The following MTUS2 variants were observed in gnomAD, a reference collection of about 807,000 sequenced individuals.
The protein encoded by MTUS2 is microtubule associated scaffold protein 2.
In MTUS2, 40 loss-of-function variants were observed where a neutral mutation model predicts 114.1. That is an observed-to-expected ratio of 0.35 (90% CI 0.27 to 0.46). The LOEUF (loss-of-function observed/expected upper bound fraction) is 0.46, where lower values mean the gene tolerates loss of function less well. MTUS2 is among the 20% of genes least tolerant of loss of function. The probability of loss-of-function intolerance (pLI) is 1.00; values close to 1 mark genes in which losing one functional copy is unlikely to be tolerated. For missense variants in MTUS2, 1,679 were observed against 1,705.4 expected (o/e 0.98, Z 0.27); for synonymous variants, 688 against 672.0 (o/e 1.02, Z -0.37).
chr13:29,341,993 T>G (rs1901424172), intron 7 of MTUS2, among the ~76,000 whole-genome samples: 2 of 152,308 alleles, frequency 1.3e-5, no homozygotes, highest in Non-Finnish European at 2.9e-5. Context: ...TTCTATATTC[T>G]GTTCCATTGG....
intron 5 of MTUS2, among the ~76,000 whole-genome samples, chr13:29,106,934 T>C (rs954436730): frequency 8.6e-5 from 13 of 152,036 alleles, no homozygotes; most frequent in Admixed American, 4.6e-4. Flanking sequence ...TGACATATAC[T>C]CCCAACTAGC....
intron 2 of MTUS2, among the ~76,000 whole-genome samples, chr13:28,950,680 A>G (rs1882763416): frequency 6.6e-6 from 1 of 152,218 alleles, no homozygotes. Context: ...ATATTTATCA[A>G]TTAAGTTTGC....
chr13:29,234,419 C>G (rs1286035893), intron 5 of MTUS2, among the ~76,000 whole-genome samples: 1 of 152,186 alleles, frequency 6.6e-6, no homozygotes, highest in African/African-American at 2.4e-5. Flanking sequence ...ACCTATCCAA[C>G]AGGTCATTCT....
chr13:29,281,518 G>T (rs1363692564), intron 5 of MTUS2, among the ~76,000 whole-genome samples, 186 bp from the exon 6 acceptor site: 1 of 151,732 alleles, frequency 6.6e-6, no homozygotes, highest in Admixed American at 6.6e-5. Flanking sequence ...AGATATTTAT[G>T]CAGTGACTAA....
chr13:28,894,069 T>G (rs1266186919), intron 2 of MTUS2, among the ~76,000 whole-genome samples: 2 of 151,706 alleles, frequency 1.3e-5, no homozygotes, highest in Admixed American at 6.6e-5. Flanking sequence ...CCCACGCTGT[T>G]TAACTTCCCT....
At chr13:29,226,690 T>C (rs1896119375) in intron 5 of MTUS2, among the ~76,000 whole-genome samples, 1 of 152,118 alleles carries the variant, frequency 6.6e-6, no homozygotes. Context: ...CCTTTATTTA[T>C]ACTTGAAGTC....
At chr13:29,117,456 G>C (rs1891136103) in intron 5 of MTUS2, among the ~76,000 whole-genome samples, 1 of 152,136 alleles carries the variant, frequency 6.6e-6, no homozygotes, top group Non-Finnish European at 1.5e-5. Context: ...AGCAGATGCT[G>C]GTGTCCCTCC....
chr13:29,448,273 G>A (rs1433642064), intron 9 of MTUS2, among the ~76,000 whole-genome samples: 1 of 152,174 alleles, frequency 6.6e-6, no homozygotes, highest in Non-Finnish European at 1.5e-5. Flanking sequence ...CAGCCAGACT[G>A]GAAGGCCTGT....
intron 2 of MTUS2, among the ~76,000 whole-genome samples, chr13:28,995,553 G>C (rs368602314): frequency 1.3e-5 from 2 of 152,024 alleles, no homozygotes; most frequent in East Asian, 1.9e-4. Flanking sequence ...TCTTCCATTT[G>C]TTTGTATACT....
intron 5 of MTUS2, among the ~76,000 whole-genome samples, chr13:29,236,197 G>A (rs529913396): frequency 6.3e-4 from 96 of 152,108 alleles, no homozygotes; most frequent in African/African-American, 1.3e-3. Flanking sequence ...TTCAATTGCC[G>A]GGGGCAATTC....
intron 5 of MTUS2, among the ~76,000 whole-genome samples, chr13:29,244,685 G>A (rs963441973): frequency 1.3e-5 from 2 of 152,086 alleles, no homozygotes; most frequent in Non-Finnish European, 2.9e-5. Context: ...GGCCGGGCGC[G>A]GTGGCTCACG....
chr13:29,194,970 T>G (rs1894618886), intron 5 of MTUS2, among the ~76,000 whole-genome samples: 1 of 149,986 alleles, frequency 6.7e-6, no homozygotes, highest in African/African-American at 2.5e-5. Context: ...TTGGAAATCA[T>G]CATTCTCAGT....
intron 8 of MTUS2, among the ~76,000 whole-genome samples, chr13:29,434,261 A>C (rs1274700898): frequency 6.6e-6 from 1 of 152,170 alleles, no homozygotes; most frequent in Non-Finnish European, 1.5e-5. Context: ...CCAGAGGCAG[A>C]AAGTTAGAGG....
chr13:28,837,640 G>A (rs556371234), intron 1 of MTUS2, among the ~76,000 whole-genome samples: 2 of 152,322 alleles, frequency 1.3e-5, no homozygotes, highest in African/African-American at 4.8e-5. Context: ...TTAACATAAA[G>A]TCACGTTCTA....
chr13:29,054,538 A>G (rs1032409851), intron 4 of MTUS2, among the ~76,000 whole-genome samples: 4 of 152,082 alleles, frequency 2.6e-5, no homozygotes, highest in Non-Finnish European at 5.9e-5. Flanking sequence ...GAGTTGTGTT[A>G]TGGGTACAGA....
chr13:28,876,730 A>G (rs74851279), intron 2 of MTUS2, among the ~76,000 whole-genome samples: 13,266 of 152,126 alleles, frequency 0.087, 1,865 homozygotes, highest in African/African-American at 0.3. Flanking sequence ...GGGAAGCACT[A>G]GAGGAGAGGT....
chr13:28,893,542 G>A (rs189253041), intron 2 of MTUS2, among the ~76,000 whole-genome samples: 13 of 152,248 alleles, frequency 8.5e-5, no homozygotes, highest in Admixed American at 7.2e-4. Context: ...TTATTGGTTC[G>A]TTATGTACGT....
At chr13:29,169,610 A>C (rs1893468249) in intron 5 of MTUS2, among the ~76,000 whole-genome samples, 2 of 152,236 alleles carry the variant, frequency 1.3e-5, no homozygotes, top group South Asian at 4.1e-4. Flanking sequence ...ATGTGTATAT[A>C]TTTTATACAT....
At chr13:29,349,774 C>T (rs1311879870) in intron 7 of MTUS2, among the ~76,000 whole-genome samples, 5 of 151,936 alleles carry the variant, frequency 3.3e-5, no homozygotes, top group Admixed American at 1.3e-4. Flanking sequence ...TGTCTTTTTT[C>T]TCTGGCTGCT....
Sources: allele counts gnomAD v4.1 joint callset (sites outside exome capture counted in the v4.1 genomes callset), GRCh38; gene constraint gnomAD v4.1.1; transcripts MANE v1.5; gene names NCBI Gene and HGNC (gene_info 2026-07-23, HGNC 2026-07-21).